Variants in UBE2F observed in about 807,000 individuals in gnomAD.
UBE2F encodes the protein NEDD8-conjugating enzyme UBE2F.
A neutral mutation model predicts 29.6 loss-of-function variants in UBE2F; 5 were observed. The ratio of observed to expected loss-of-function variants is 0.17; its 90% CI spans 0.09 to 0.36. The LOEUF is 0.36. Ranked by LOEUF, UBE2F falls within the 10% of genes least tolerant of loss-of-function variation. UBE2F has a pLI of 1.00. For synonymous variants in UBE2F, 66 were observed against 81.8 expected (o/e 0.81, Z 1.04); for missense variants, 141 against 228.5 (o/e 0.62, Z 2.47).
At chr2:238,010,895 A>G (rs1206952322) in intron 4 of UBE2F, among the ~76,000 whole-genome samples, 1 of 152,154 alleles carries the variant, frequency 6.6e-6, no homozygotes, top group Non-Finnish European at 1.5e-5. Flanking sequence ...TTTTATCTTC[A>G]TGGTAGCAAC....
chr2:237,975,347 T>C (rs1559199453), intron 2 of UBE2F, among the ~76,000 whole-genome samples: 1 of 151,972 alleles, frequency 6.6e-6, no homozygotes, highest in Non-Finnish European at 1.5e-5. Context: ...TGGGCTCAAG[T>C]GATCCACGCA....
At chr2:237,976,550 T>A (rs1192870771) in intron 2 of UBE2F, among the ~76,000 whole-genome samples, 2 of 152,192 alleles carry the variant, frequency 1.3e-5, no homozygotes, top group African/African-American at 4.8e-5. Context: ...TGGTATCTGG[T>A]ACAGGTAGTT....
At chr2:237,973,628 A>T in intron 2 of UBE2F, 2 of 1,278,570 alleles carry the variant, frequency 1.6e-6, no homozygotes, top group Non-Finnish European at 2.1e-6. Flanking sequence ...ATCTCTTAGG[A>T]TCTTTTCCTG....
At chr2:237,976,309 TGAG>T (rs1383772117) in intron 2 of UBE2F, among the ~76,000 whole-genome samples, 3 of 152,212 alleles carry the variant, frequency 2.0e-5, no homozygotes, top group Non-Finnish European at 4.4e-5. Context: ...GGATGTCAGC[TGAG>T]GAGGAGTGGG....
intron 4 of UBE2F, among the ~76,000 whole-genome samples, chr2:237,998,811 G>A (rs958670075): frequency 6.6e-6 from 1 of 152,140 alleles, no homozygotes; most frequent in African/African-American, 2.4e-5. Context: ...ACATTTGGGT[G>A]TGAAATGGTA....
At chr2:238,017,887 C>T (rs1278236537) in intron 5 of UBE2F, among the ~76,000 whole-genome samples, 1 of 152,148 alleles carries the variant, frequency 6.6e-6, no homozygotes, top group Non-Finnish European at 1.5e-5. Context: ...GGAGTTGCCC[C>T]CCAACCCCAG....
intron 6 of UBE2F, among the ~76,000 whole-genome samples, chr2:238,028,257 C>G (rs1440158379): frequency 1.3e-5 from 2 of 152,268 alleles, no homozygotes; most frequent in African/African-American, 2.4e-5. Context: ...ATGCAAAGCC[C>G]TCCTGCTCTG....
At chr2:238,010,067 A>G (rs554180027) in intron 4 of UBE2F, among the ~76,000 whole-genome samples, 21 of 152,158 alleles carry the variant, frequency 1.4e-4, no homozygotes, top group South Asian at 2.1e-4. Flanking sequence ...GTTCCCTTGA[A>G]TTGCACCCTA....
At position 237,987,560 on chromosome 2, in the gene UBE2F, A is replaced by G. The variant is rs147691367; in HGVS notation, c.119-403A>G. On this transcript the variant is annotated intron_variant, in intron 2 of 9. Transcript: ENST00000272930. ...AGGACTGGGGCCAAGAAATGCAGCTATGAGGGGGTAACTGGAAGATAGCAC... is the reference window on the plus strand; with the variant it reads ...AGGACTGGGGCCAAGAAATGCAGCTGTGAGGGGGTAACTGGAAGATAGCAC... Among the ~76,000 whole-genome samples, 3 of 152,306 alleles carry G rather than the reference A, an allele frequency of 2.0e-5. No homozygotes were observed. The East Asian group carries it at 5.8e-4, about 29-fold the overall frequency.
Position 237,984,970 on chromosome 2 carries a change from A to G in UBE2F, c.119-2993A>G, listed in dbSNP as rs2063449779. The stretch of plus-strand genomic sequence containing the variant: ...CTTTTTTGTTTGTTTATTTGTTTGA[A>G]GAGGTTGGGAGGTTGTGGAAAAAGG... On this transcript the variant is annotated intron_variant, in intron 2 of 9. Transcript: ENST00000272930. Among the ~76,000 whole-genome samples, 4 of 144,954 alleles carry G rather than the reference A, an allele frequency of 2.8e-5. 1 individual carries two copies. The South Asian group carries it at 9.0e-4, about 33-fold the overall frequency.
chr2:237,997,673 G>C (rs9751676), intron 4 of UBE2F, among the ~76,000 whole-genome samples: 5,313 of 152,308 alleles, frequency 0.035, 281 homozygotes, highest in East Asian at 0.2. Flanking sequence ...GAATGGTCAA[G>C]AGTGGAAGAA....
chr2:238,000,723 T>C (rs1201317219), intron 4 of UBE2F, among the ~76,000 whole-genome samples: 3 of 152,200 alleles, frequency 2.0e-5, no homozygotes, highest in African/African-American at 7.2e-5. Flanking sequence ...AAGTTTAACT[T>C]TATAAAACCA....
intron 7 of UBE2F, among the ~76,000 whole-genome samples, chr2:238,031,319 G>T (rs537565272): frequency 2.6e-5 from 4 of 152,210 alleles, no homozygotes; most frequent in East Asian, 1.9e-4. Flanking sequence ...GGGCTCAGAT[G>T]GCTGTCATTG....
At chr2:237,999,541 A>G (rs987200270) in intron 4 of UBE2F, among the ~76,000 whole-genome samples, 2 of 152,072 alleles carry the variant, frequency 1.3e-5, no homozygotes, top group African/African-American at 4.8e-5. Flanking sequence ...AGCCATCTTG[A>G]ATTGATTTTT....
At chr2:237,988,631 AAAAG>A (rs2063527303) in intron 3 of UBE2F, among the ~76,000 whole-genome samples, 2 of 151,742 alleles carry the variant, frequency 1.3e-5, no homozygotes, top group African/African-American at 4.9e-5. Context: ...AAAAAAAAAA[AAAAG>A]AGCAAGGTTC....
chr2:238,017,295 G>T (rs1483385201), intron 5 of UBE2F, among the ~76,000 whole-genome samples: 1 of 152,204 alleles, frequency 6.6e-6, no homozygotes, highest in Admixed American at 6.5e-5. Context: ...GGCTAGTTAA[G>T]CTTTTAGGGG....
rs1421102252 is a variant in UBE2F at position 238,041,823 on chromosome 2, A to G, written c.*485A>G. Reference sequence around the variant, plus strand: ...TTTCACGAATGTTGGCCCTGCCTAGATGTTGTGAAGCCTCCCAGAATGCAT... The same window carrying G: ...TTTCACGAATGTTGGCCCTGCCTAGGTGTTGTGAAGCCTCCCAGAATGCAT... On this transcript the variant is annotated 3_prime_UTR_variant, in exon 10 of 10. Coordinates refer to ENST00000272930, the MANE Select transcript of UBE2F (RefSeq NM_080678.3). 6.5e-6 allele frequency: 1 copy of G among 154,476 alleles called. No individual in the cohort carries two copies. The highest frequency in any genetic ancestry group is 1.9e-4 in the East Asian group (1 of 5,274). The allele number at this position is 154,476 out of a possible 1,614,324, so 9.6% of individuals were successfully genotyped here.
chr2:238,036,231 G>A (rs371126635), intron 9 of UBE2F, among the ~76,000 whole-genome samples: 1 of 152,206 alleles, frequency 6.6e-6, no homozygotes, highest in Admixed American at 6.5e-5. Flanking sequence ...GGAGTGCAGT[G>A]TTGCAGTAGT....
intron 5 of UBE2F, among the ~76,000 whole-genome samples, chr2:238,021,875 A>G (rs980327104): frequency 2.0e-5 from 3 of 152,214 alleles, no homozygotes; most frequent in African/African-American, 7.2e-5. Context: ...CTGTGAGGTA[A>G]GTCTGGGGCA....
Sources: gnomAD v4.1 joint callset for allele counts (sites outside exome capture counted in the v4.1 genomes callset) on GRCh38, gnomAD v4.1.1 for gene constraint, MANE v1.5 for transcripts, NCBI Gene and HGNC (gene_info 2026-07-23, HGNC 2026-07-21) for gene names.